IFT88: variants seen among roughly 807,000 people sequenced by gnomAD.
The protein encoded by IFT88 is intraflagellar transport protein 88 homolog.
IFT88 carries 74 observed loss-of-function variants against 119.5 expected under a neutral mutation model. The ratio of observed to expected loss-of-function variants is 0.62; its 90% CI spans 0.51 to 0.75. The LOEUF is 0.75. Among genes scored for constraint, IFT88 ranks in the 30% least tolerant of loss-of-function variants. The pLI, the probability that IFT88 is intolerant of heterozygous loss-of-function variation, is 0.00. For missense variants in IFT88, 961 were observed against 977.7 expected (o/e 0.98, Z 0.23); for synonymous variants, 279 against 316.7 (o/e 0.88, Z 1.26).
At chr13:20,645,189 A>G (rs1400240072) in intron 20 of IFT88, among the ~76,000 whole-genome samples, 1 of 152,122 alleles carries the variant, frequency 6.6e-6, no homozygotes, top group Non-Finnish European at 1.5e-5. Flanking sequence ...TCCCAGGTTC[A>G]AGCGATTCTC....
At chr13:20,653,654 G>A (rs1311472217) in intron 20 of IFT88, among the ~76,000 whole-genome samples, 2 of 152,052 alleles carry the variant, frequency 1.3e-5, no homozygotes, top group Non-Finnish European at 2.9e-5. Context: ...TCTAAATAAA[G>A]GTATGAACTA....
At chr13:20,673,616 T>A (rs2056234118) in intron 24 of IFT88, among the ~76,000 whole-genome samples, 1 of 152,152 alleles carries the variant, frequency 6.6e-6, no homozygotes. Flanking sequence ...AGGGACCTCC[T>A]CCACGGTCAG....
intron 1 of IFT88, among the ~76,000 whole-genome samples, chr13:20,574,058 G>T (rs2036902368): frequency 6.6e-6 from 1 of 152,202 alleles, no homozygotes; most frequent in South Asian, 2.1e-4. Context: ...CTGGCGTGGT[G>T]GCTCATGCTG....
At chr13:20,658,143 C>T (rs2053170058) in intron 22 of IFT88, among the ~76,000 whole-genome samples, 1 of 151,166 alleles carries the variant, frequency 6.6e-6, no homozygotes, top group South Asian at 2.1e-4. Context: ...GTCTCCTAGG[C>T]TGGAGTGCGG....
chr13:20,599,087 G>A (rs1464505151), intron 10 of IFT88, among the ~76,000 whole-genome samples: 1 of 151,924 alleles, frequency 6.6e-6, no homozygotes, highest in Non-Finnish European at 1.5e-5. Flanking sequence ...TTTTTTGGTA[G>A]CAGTATTAAT....
rs143237732 is a variant in IFT88 at position 20,574,919 on chromosome 13, T to C, written c.90+444T>C. ...TGTGTAATAATCACATAAGGGTAAA[T>C]AGGGTTTCTGTTACATCAAGCATTT... On this transcript the variant is annotated intron_variant, in intron 2 of 25. Transcript: ENST00000351808. 1.5e-3 allele frequency among the ~76,000 whole-genome samples: 233 copies of C among 152,312 alleles called. 1 individual carries two copies. The highest frequency in any genetic ancestry group is 5.4e-3 in the African/African-American group (226 of 41,574).
At chr13:20,677,124 TAACA>T (rs1220010450) in intron 24 of IFT88, among the ~76,000 whole-genome samples, 8 of 152,208 alleles carry the variant, frequency 5.3e-5, no homozygotes, top group Non-Finnish European at 8.8e-5. Flanking sequence ...GTTTGCCACA[TAACA>T]AATATATAAT....
chr13:20,633,456 T>C lies in IFT88; in HGVS notation c.1386+2354T>C, dbSNP rs537826183. ...CTTCCACCCAGTTTCCAGAGAGGGC[T>C]GCCTGCTGAGGCTGGTGGCCAGTAG... On this transcript the variant is annotated intron_variant, in intron 16 of 25. Coordinates refer to ENST00000351808, the MANE Select transcript of IFT88 (RefSeq NM_006531.5). Among the ~76,000 whole-genome samples the C allele has an allele frequency of 1.5e-3, 232 of 152,310 alleles. 1 individual carries two copies. Among genetic ancestry groups the C allele is most frequent in the African/African-American group, 5.4e-3 (226 of 41,568 alleles).
rs1234484148 is a variant in IFT88, at chr13:20,594,050, CAAAG to C, written c.398+1652_398+1655del. ...TGGGTGACAGAGCGAGACCCTGTCT[CAAAG>C]AAAGACTTAAAAAAAAAAAAAAGAC... On this transcript the variant is annotated intron_variant, in intron 7 of 25. Coordinates refer to ENST00000351808, the MANE Select transcript of IFT88 (RefSeq NM_006531.5). 2.8e-5 allele frequency among the ~76,000 whole-genome samples: 4 copies of C among 140,802 alleles called. No individual in the cohort carries two copies. The South Asian group carries it at 9.1e-4, about 32-fold the overall frequency. 92.4% of individuals were successfully genotyped at this position (140,802 alleles called of 152,430 possible).
chr13:20,602,040 C>T, intron 12 of IFT88, 107 bp downstream of exon 12: 1 of 652,792 alleles, frequency 1.5e-6, no homozygotes. Flanking sequence ...TTTCCCAGGC[C>T]TGTATCAATG....
At position 20,671,056 on chromosome 13, in the gene IFT88, T is replaced by G; in HGVS notation, c.2242+17T>G. ...CTAGCGGTGGTAAGTATTTTCTCTT[T>G]CCCTGAAAAACTTGGTTTCCACATT... On this transcript the variant is annotated intron_variant, in intron 24 of 25. Transcript: ENST00000351808. 1 of 1,610,118 alleles carries G rather than the reference T, an allele frequency of 6.2e-7. No homozygotes were observed. Among genetic ancestry groups the G allele is most frequent in the Non-Finnish European group, 8.5e-7 (1 of 1,177,422 alleles).
intron 11 of IFT88, among the ~76,000 whole-genome samples, chr13:20,601,008 C>CA (rs1224054548): frequency 6.6e-6 from 1 of 152,128 alleles, no homozygotes. Flanking sequence ...AGAAGCAAGA[C>CA]AAAATATCAC....
rs545385024 is a variant in IFT88, at chr13:20,654,181, A to C, written c.2002+253A>C. 2.6e-5 allele frequency among the ~76,000 whole-genome samples: 4 copies of C among 152,350 alleles called. No individual in the cohort carries two copies. The South Asian group carries it at 8.3e-4, about 32-fold the overall frequency. ...AGATTTGTTATTTCTCAAAGTTAAC[A>C]TGTAATCATTTTCACAAGTTAGCCA... is the stretch of plus-strand genomic sequence containing the variant. On this transcript the variant is annotated intron_variant, in intron 21 of 25. Coordinates refer to ENST00000351808, the MANE Select transcript of IFT88 (RefSeq NM_006531.5).
intron 8 of IFT88, 67 bp downstream of exon 8, chr13:20,596,307 A>G: frequency 1.9e-5 from 12 of 618,740 alleles, no homozygotes; most frequent in East Asian, 3.2e-5. Flanking sequence ...TTATACATAC[A>G]CCGTATGTAT....
At chr13:20,634,808 T>A (rs930383238) in intron 16 of IFT88, among the ~76,000 whole-genome samples, 45 of 152,228 alleles carry the variant, frequency 3.0e-4, no homozygotes, top group African/African-American at 9.1e-4. Context: ...CTTTATTTTT[T>A]TTTTTTATAC....
intron 20 of IFT88, among the ~76,000 whole-genome samples, chr13:20,648,551 T>C (rs1190427285): frequency 1.3e-5 from 2 of 151,104 alleles, no homozygotes; most frequent in Non-Finnish European, 3.0e-5. Flanking sequence ...TAACTAAAAA[T>C]CGAAATAGTA....
chr13:20,579,018 G>T (rs866793073), intron 2 of IFT88, among the ~76,000 whole-genome samples: 1 of 152,018 alleles, frequency 6.6e-6, no homozygotes, highest in African/African-American at 2.4e-5. Context: ...TGTTGTCTTT[G>T]ATTCATTTTC....
chr13:20,587,426 T>A (rs1359146586), intron 3 of IFT88, among the ~76,000 whole-genome samples: 5 of 151,998 alleles, frequency 3.3e-5, no homozygotes. Flanking sequence ...CCTGGCTAAT[T>A]TTTGTATTTT....
intron 2 of IFT88, among the ~76,000 whole-genome samples, chr13:20,580,059 T>C (rs1364441846): frequency 6.6e-6 from 1 of 152,212 alleles, no homozygotes; most frequent in Non-Finnish European, 1.5e-5. Context: ...CTTTCCTTCA[T>C]GTATACATAC....
Sources: gnomAD v4.1 joint callset for allele counts (sites outside exome capture counted in the v4.1 genomes callset) on GRCh38, gnomAD v4.1.1 for gene constraint, MANE v1.5 for transcripts, NCBI Gene and HGNC (gene_info 2026-07-23, HGNC 2026-07-21) for gene names.